The following XPO1 variants were observed in gnomAD, a reference collection of about 807,000 sequenced individuals.
XPO1 encodes the protein exportin-1.
Under a neutral mutation model 133.3 loss-of-function variants are expected in XPO1, and 5 were observed. That is an observed-to-expected ratio of 0.04 (90% CI 0.02 to 0.08). The LOEUF is 0.08. Among genes scored for constraint, XPO1 ranks in the 10% least tolerant of loss-of-function variants. The pLI is 1.00. For synonymous variants in XPO1, 419 were observed against 408.2 expected (o/e 1.03, Z -0.32); for missense variants, 506 against 1,267.5 (o/e 0.40, Z 9.12).
At chr2:61,480,258 G>A (rs1239477996) in intron 24 of XPO1, 3 of 149,246 alleles carry the variant, frequency 2.0e-5, no homozygotes, top group Non-Finnish European at 4.4e-5. Context: ...TATTATCATT[G>A]ACTTCGTAGC....
intron 2 of XPO1, among the ~76,000 whole-genome samples, chr2:61,532,094 G>A (rs1699179081): frequency 6.6e-6 from 1 of 151,926 alleles, no homozygotes; most frequent in Admixed American, 6.6e-5. Context: ...AAGTGTAATG[G>A]CACTCAGGTT....
In XPO1 at chr2:61,485,785, A is replaced by G. The variant is rs1412197466; in HGVS notation, c.2491T>C (p.Leu831=). 5 of 1,612,776 alleles carry G rather than the reference A, an allele frequency of 3.1e-6. No homozygotes were observed. Among genetic ancestry groups the G allele is most frequent in the South Asian group, 1.1e-5 (1 of 90,710 alleles). The change falls in exon 20 of 25, where the codon TTG becomes CTG. Residue 831 remains leucine, a synonymous_variant. Coordinates refer to ENST00000401558, the MANE Select transcript of XPO1 (RefSeq NM_003400.4). ...TTACACACCTTATTTATCATATTCA[A>G]TGTGCATTCAAAAACAGCATCAAAT... ...QIFDAVFECT[L]NMINKDFEEY...
At chr2:61,493,148 A>AC in intron 12 of XPO1, 95 bp from the exon 13 acceptor site, 2 of 1,301,308 alleles carry the variant, frequency 1.5e-6, no homozygotes, top group Non-Finnish European at 1.0e-6. Flanking sequence ...AACCAAAAAA[A>AC]CCACAAGCCA....
intron 1 of XPO1, 60 bp from the exon 2 acceptor site, chr2:61,533,963 CCTA>C: frequency 2.2e-6 from 3 of 1,346,956 alleles, no homozygotes; most frequent in South Asian, 4.2e-5. Flanking sequence ...TCAAAAACTT[CCTA>C]CAAGTTATTT....
chr2:61,492,902 TTTA>T lies in XPO1; in HGVS notation c.1384+10_1384+12del. 4.4e-6 allele frequency: 7 copies of T among 1,589,742 alleles called. No individual in the cohort carries two copies. The highest frequency in any genetic ancestry group is 6.0e-6 in the Non-Finnish European group (7 of 1,169,842). On this transcript the variant is annotated intron_variant, in intron 13 of 24. Transcript: ENST00000401558. This position sits in a 1 kb window ranked among gnomAD's most constrained non-coding sequence, Gnocchi z 5.6. ...TTTATAAAGGTAAAGATTAACAGTA[TTTA>T]TTAACTTACCCAATGTTTCCCTCAT...
chr2:61,508,310 C>G (rs1340338479), intron 4 of XPO1, among the ~76,000 whole-genome samples: 1 of 152,148 alleles, frequency 6.6e-6, no homozygotes, highest in African/African-American at 2.4e-5. Flanking sequence ...ATAATACACA[C>G]CCGTAGAAAT....
chr2:61,493,342 A>G, intron 12 of XPO1: 1 of 251,324 alleles, frequency 4.0e-6, no homozygotes, highest in Non-Finnish European at 7.5e-6. Context: ...AAATGAAGTA[A>G]AACTAAAAAA....
intron 4 of XPO1, among the ~76,000 whole-genome samples, chr2:61,515,519 C>G (rs7606167): frequency 0.63 from 96,261 of 151,940 alleles, 30,656 homozygotes; most frequent in Middle Eastern, 0.71. Flanking sequence ...GATATTTCAT[C>G]AAAAACAGTT....
chr2:61,489,617 T>C (rs1056568512), intron 17 of XPO1, among the ~76,000 whole-genome samples: 1 of 150,974 alleles, frequency 6.6e-6, no homozygotes, highest in African/African-American at 2.4e-5. Flanking sequence ...TGCAGCGGCG[T>C]GATCTCGGCT....
intron 19 of XPO1, among the ~76,000 whole-genome samples, chr2:61,487,792 G>T (rs1696770597): frequency 6.6e-6 from 1 of 152,134 alleles, no homozygotes; most frequent in African/African-American, 2.4e-5. Flanking sequence ...CAATCACTTT[G>T]CTAAAGAGGT....
At chr2:61,506,290 G>A (rs2104570444) in intron 4 of XPO1, among the ~76,000 whole-genome samples, 1 of 152,248 alleles carries the variant, frequency 6.6e-6, no homozygotes, top group East Asian at 1.9e-4. Flanking sequence ...AGGCATGGTG[G>A]CACGCGCCTA....
At chr2:61,518,015 A>C (rs1698479739) in intron 4 of XPO1, among the ~76,000 whole-genome samples, 1 of 152,112 alleles carries the variant, frequency 6.6e-6, no homozygotes. Context: ...CTGTAATCCC[A>C]GCTACTTGGG....
intron 4 of XPO1, among the ~76,000 whole-genome samples, chr2:61,505,620 G>A (rs959732488): frequency 1.3e-5 from 2 of 151,910 alleles, no homozygotes; most frequent in East Asian, 1.9e-4. Context: ...GTGCAGTGGC[G>A]TGATCTCAGC....
rs1346841860 is a variant in XPO1 at position 61,478,229 on chromosome 2, CTG to C, written c.*589_*590del. ...AAAAGAACTGTGTAAAAATAACTAA[CTG>C]TGTTCCCATATTTTTGAAGTCGCTT... On this transcript the variant is annotated 3_prime_UTR_variant, in exon 25 of 25. Coordinates refer to ENST00000401558, the MANE Select transcript of XPO1 (RefSeq NM_003400.4). 2 of 233,048 alleles carry C rather than the reference CTG, an allele frequency of 8.6e-6. No homozygotes were observed. Among genetic ancestry groups the C allele is most frequent in the Non-Finnish European group, 8.5e-6 (1 of 117,742 alleles). The allele number at this position is 233,048 out of a possible 1,614,324, so 14.4% of individuals were successfully genotyped here.
In XPO1 at chr2:61,535,423, T is replaced by C. The variant is rs554239366; in HGVS notation, c.-6-1520A>G. On this transcript the variant is annotated intron_variant, in intron 1 of 24. Coordinates refer to ENST00000401558, the MANE Select transcript of XPO1 (RefSeq NM_003400.4). ...GTCAGATCTCCACTTCTTCCCATTT[T>C]AGGAACTTTCGTGGACCAGAAAATG... Among the ~76,000 whole-genome samples, 7 of 152,352 alleles carry C rather than the reference T, an allele frequency of 4.6e-5. No individual in the cohort carries two copies. The South Asian group carries it at 1.4e-3, about 32-fold the overall frequency.
intron 24 of XPO1, 48 bp from the exon 25 acceptor site, chr2:61,479,014 CAAAG>C (rs1330436761): frequency 1.3e-6 from 2 of 1,583,978 alleles, no homozygotes; most frequent in East Asian, 4.5e-5. Context: ...CTTCAACTTG[CAAAG>C]AAAGAAATCA....
intron 9 of XPO1, among the ~76,000 whole-genome samples, chr2:61,497,834 G>A (rs1454553582): frequency 1.3e-5 from 2 of 152,126 alleles, no homozygotes; most frequent in African/African-American, 4.8e-5. Flanking sequence ...TTAATGTTTG[G>A]ACAATTGCAT....
At chr2:61,522,100 A>G (rs11899660) in intron 4 of XPO1, among the ~76,000 whole-genome samples, 4,076 of 146,046 alleles carry the variant, frequency 0.028, 178 homozygotes, top group African/African-American at 0.096. Flanking sequence ...ATGGGGTCTC[A>G]CTCTTGTCAC....
chr2:61,525,681 G>T (rs778630488), intron 3 of XPO1: 22 of 1,025,542 alleles, frequency 2.1e-5, no homozygotes, highest in Non-Finnish European at 2.3e-5. Context: ...GGAAGTTCTG[G>T]ACTGTATTTT....
Sources: allele counts gnomAD v4.1 joint callset (sites outside exome capture counted in the v4.1 genomes callset), GRCh38; gene constraint gnomAD v4.1.1; non-coding constraint Gnocchi (gnomAD v3.1); transcripts MANE v1.5; gene names NCBI Gene and HGNC (gene_info 2026-07-23, HGNC 2026-07-21).